ZNF398: variants seen among roughly 807,000 people sequenced by gnomAD.
ZNF398 encodes the protein zinc finger DNA binding protein ZER6.
ZNF398 carries 18 observed loss-of-function variants against 41.9 expected under a neutral mutation model. That is an observed-to-expected ratio of 0.43 (90% CI 0.30 to 0.64). The LOEUF is 0.64. Among genes scored for constraint, ZNF398 ranks in the 30% least tolerant of loss-of-function variants. The pLI is 0.14. For missense variants in ZNF398, 669 were observed against 822.8 expected (o/e 0.81, Z 2.29); for synonymous variants, 260 against 308.8 (o/e 0.84, Z 1.66).
intron 2 of ZNF398, among the ~76,000 whole-genome samples, chr7:149,156,504 CAAAAAAA>C (rs1184656145): frequency 0.031 from 1,137 of 36,470 alleles, 13 homozygotes; most frequent in African/African-American, 0.095. Context: ...GACTCCATCT[CAAAAAAA>C]AAAAAAAAAA....
intron 2 of ZNF398, among the ~76,000 whole-genome samples, chr7:149,157,899 A>T (rs1795019196): frequency 6.8e-6 from 1 of 147,632 alleles, no homozygotes; most frequent in African/African-American, 2.5e-5. Context: ...CCGGCAGAGG[A>T]GATTAAGAAG....
intron 2 of ZNF398, among the ~76,000 whole-genome samples, chr7:149,155,104 T>C (rs1794939135): frequency 6.7e-6 from 1 of 149,748 alleles, no homozygotes; most frequent in Admixed American, 6.7e-5. Flanking sequence ...CTGGCCAACA[T>C]GGTGAAACCC....
At chr7:149,127,381 T>G (rs896295848) in intron 1 of ZNF398, among the ~76,000 whole-genome samples, 3 of 60,496 alleles carry the variant, frequency 5.0e-5, no homozygotes, top group African/African-American at 1.3e-4. Flanking sequence ...CCTTACTGAT[T>G]AAAGGGTTAA....
At chr7:149,147,122 C>G (rs1259099201), upstream of ZNF398, 1 of 152,284 alleles carries the variant, frequency 6.6e-6, no homozygotes, top group African/African-American at 2.4e-5. This position sits in a 1 kb window ranked among gnomAD's most constrained non-coding sequence, Gnocchi z 5.6. Flanking sequence ...TTCCGCTGTT[C>G]TAAATACGGC....
intron 1 of ZNF398, among the ~76,000 whole-genome samples, chr7:149,151,049 CTG>C (rs773664949): frequency 3.4e-4 from 52 of 152,248 alleles, no homozygotes; most frequent in African/African-American, 1.1e-3. Flanking sequence ...TGAGGACAAA[CTG>C]TACTAAAAGC....
chr7:149,159,401 A>G (rs1246197497), intron 2 of ZNF398, among the ~76,000 whole-genome samples: 3 of 151,912 alleles, frequency 2.0e-5, no homozygotes, highest in Non-Finnish European at 2.9e-5. Context: ...TAATCCCAGT[A>G]CTTTGGGAGG....
chr7:149,157,666 C>G (rs192675172), intron 2 of ZNF398, among the ~76,000 whole-genome samples: 4 of 150,986 alleles, frequency 2.6e-5, no homozygotes, highest in Non-Finnish European at 4.4e-5. Context: ...GGTGAAATCC[C>G]GTCTCTACTA....
chr7:149,130,968 A>G (rs1453626542), intron 2 of ZNF398, among the ~76,000 whole-genome samples: 8 of 152,188 alleles, frequency 5.3e-5, no homozygotes, highest in African/African-American at 1.4e-4. Context: ...GGGTTAGGCA[A>G]TCATGATGGG....
intron 2 of ZNF398, among the ~76,000 whole-genome samples, chr7:149,138,546 C>T (rs1826761426): frequency 6.6e-6 from 1 of 152,200 alleles, no homozygotes; most frequent in African/African-American, 2.4e-5. Flanking sequence ...TGCCACTGCA[C>T]TCCAGCCTGG....
At position 149,166,899 on chromosome 7, in the gene ZNF398, G is replaced by A. The variant is rs1198923464; in HGVS notation, c.630G>A (p.Glu210=). ...ATACAGAGGACCAGGCAGGGCCAGA[G>A]GAAAGTGAGATTCCCACAGACCCCA... is the stretch of plus-strand genomic sequence containing the variant. ...EHNTEDQAGP[E]ESEIPTDPSE... is the part of the protein sequence containing the mutation. Residue 210 remains glutamate, a synonymous_variant, in exon 4 of 6, where the codon GAG becomes GAA. Transcript: ENST00000475153. The A allele has an allele frequency of 1.5e-5, 24 of 1,612,556 alleles. No individual in the cohort carries two copies. The highest frequency in any genetic ancestry group is 2.0e-5 in the Non-Finnish European group (24 of 1,179,070).
chr7:149,172,104 A>G (rs1423112189), intron 4 of ZNF398, among the ~76,000 whole-genome samples: 1 of 152,200 alleles, frequency 6.6e-6, no homozygotes, highest in East Asian at 1.9e-4. Context: ...GACTGCAGTT[A>G]GGTACAGCCA....
exon 1 of ZNF398, chr7:149,126,546 G>T (rs1158275293): frequency 4.4e-6 from 2 of 458,320 alleles, no homozygotes; most frequent in East Asian, 4.3e-5. Context: ...GCTGACGGGA[G>T]GGGAAACGGA....
chr7:149,148,863 C>CTTTTTT lies in ZNF398; in HGVS notation c.24+1120_24+1125dup, dbSNP rs59895177. The stretch of plus-strand genomic sequence containing the variant: ...TTTATGCACGGACCTTTTTCTTTGT[C>CTTTTTT]TTTTTTTTTTTTTTTTTTTTTTTTT... On this transcript the variant is annotated intron_variant, in intron 1 of 5. Transcript: ENST00000475153. 6.5e-3 allele frequency among the ~76,000 whole-genome samples: 414 copies of CTTTTTT among 63,274 alleles called. 64 individuals are homozygous for CTTTTTT. The highest frequency in any genetic ancestry group is 0.018 in the East Asian group (29 of 1,650). The allele number at this position is 63,274 out of a possible 152,430, so 41.5% of individuals were successfully genotyped here. A position where few individuals can be genotyped will look rare whatever the true frequency, so the allele number is the denominator to read the frequency against.
chr7:149,180,665 A>G lies in ZNF398; in HGVS notation c.*864A>G, dbSNP rs1795570041. 1 of 152,212 alleles carries G rather than the reference A, an allele frequency of 6.6e-6. No individual in the cohort carries two copies. The highest frequency in any genetic ancestry group is 2.1e-4 in the South Asian group (1 of 4,836). The allele number at this position is 152,212 out of a possible 1,614,324, so 9.4% of individuals were successfully genotyped here. ...ACAGCTTAAAATTTGTGCCTACACC[A>G]TGTTCTGAGAGTCGTTCACATCAAA... On this transcript the variant is annotated 3_prime_UTR_variant, in exon 6 of 6. Coordinates refer to ENST00000475153, the MANE Select transcript of ZNF398 (RefSeq NM_170686.3).
upstream of ZNF398, among the ~76,000 whole-genome samples, chr7:149,142,883 T>C (rs1296291720): frequency 3.3e-5 from 5 of 152,184 alleles, no homozygotes. Context: ...GAATTTCCCA[T>C]GGAAAAATAC....
At chr7:149,149,137 A>AT (rs969834788) in intron 1 of ZNF398, among the ~76,000 whole-genome samples, 4 of 152,104 alleles carry the variant, frequency 2.6e-5, no homozygotes, top group East Asian at 1.9e-4. Flanking sequence ...AATAAAAAAA[A>AT]TTTTTGAGAA....
At chr7:149,132,072 C>T (rs565963377) in intron 2 of ZNF398, among the ~76,000 whole-genome samples, 17 of 152,132 alleles carry the variant, frequency 1.1e-4, no homozygotes, top group South Asian at 2.1e-4. Context: ...TTATAGAATA[C>T]GTTCCTAGAA....
intron 2 of ZNF398, among the ~76,000 whole-genome samples, chr7:149,138,013 A>G (rs1043707493): frequency 1.3e-5 from 2 of 151,510 alleles, no homozygotes; most frequent in African/African-American, 4.8e-5. Flanking sequence ...CACCCTGACC[A>G]ATATAGAGAA....
rs574743217 is a variant in ZNF398, at chr7:149,155,668, A to G, written c.420+1328A>G. On this transcript the variant is annotated intron_variant, in intron 2 of 5. Transcript: ENST00000475153. ...GGAGAAATTGGAGGGTTTGAAGCAGAGGAATTATATTTGGTTATATATATA... is the reference window on the plus strand; with the variant it reads ...GGAGAAATTGGAGGGTTTGAAGCAGGGGAATTATATTTGGTTATATATATA... Among the ~76,000 whole-genome samples, 325 of 147,036 alleles carry G rather than the reference A, an allele frequency of 2.2e-3. 2 individuals carry two copies. Among genetic ancestry groups the G allele is most frequent in the Non-Finnish European group, 2.9e-3 (196 of 66,896 alleles).
Sources: gnomAD v4.1 joint callset for allele counts (sites outside exome capture counted in the v4.1 genomes callset) on GRCh38, gnomAD v4.1.1 for gene constraint, Gnocchi (gnomAD v3.1) non-coding constraint, MANE v1.5 for transcripts, NCBI Gene and HGNC (gene_info 2026-07-23, HGNC 2026-07-21) for gene names.